STAG1: variants seen among roughly 807,000 people sequenced by gnomAD.
STAG1 encodes the protein STAG1 cohesin complex component, also known as cohesin subunit SA-1.
In STAG1, 26 loss-of-function variants were observed where a neutral mutation model predicts 170.9. That is an observed-to-expected ratio of 0.15 (90% confidence interval 0.11 to 0.21). The LOEUF (loss-of-function observed/expected upper bound fraction) is 0.21. STAG1 is among the 10% of genes least tolerant of loss of function. STAG1 has a pLI of 1.00. For missense variants in STAG1, 964 were observed against 1,509.5 expected, an observed-to-expected ratio of 0.64 and a Z score of 5.99; for synonymous variants, 514 against 497.7, an observed-to-expected ratio of 1.03 and a Z score of -0.44.
At chr3:136,741,089 T>C (rs916739361) in intron 1 of STAG1, among the ~76,000 whole-genome samples, 1 of 152,208 alleles carries the variant, frequency 6.6e-6, no homozygotes, top group Non-Finnish European at 1.5e-5. Context: ...GATAGTTATA[T>C]AGTGAAGGGT....
chr3:136,463,802 C>CAT (rs1349443760), intron 13 of STAG1, among the ~76,000 whole-genome samples: 1 of 129,590 alleles, frequency 7.7e-6, no homozygotes, highest in African/African-American at 2.7e-5. Flanking sequence ...TATACATATA[C>CAT]ATACATATAT....
chr3:136,505,784 A>G (rs1933729371), intron 7 of STAG1, among the ~76,000 whole-genome samples: 1 of 152,186 alleles, frequency 6.6e-6, no homozygotes. Context: ...AGGGGGTGCT[A>G]TTTTAGATGG....
chr3:136,582,619 C>T lies in STAG1; in HGVS notation c.298-13758G>A, dbSNP rs376193801. ...TTCGAGACCAGCCTGGCCAATGTGGCGAAACGCCATCTCTACTAAAACTAC... is the reference window on the plus strand; with the variant it reads ...TTCGAGACCAGCCTGGCCAATGTGGTGAAACGCCATCTCTACTAAAACTAC... On this transcript the variant is annotated intron_variant, in intron 4 of 33. Coordinates refer to ENST00000383202, the MANE Select transcript of STAG1 (RefSeq NM_005862.3). Among the ~76,000 whole-genome samples, 308 of 152,094 alleles carry T rather than the reference C, an allele frequency of 2.0e-3. 1 individual carries two copies. The highest frequency in any genetic ancestry group is 6.5e-3 in the African/African-American group (271 of 41,476).
At chr3:136,460,085 G>GT (rs1265835701) in intron 13 of STAG1, among the ~76,000 whole-genome samples, 1 of 152,016 alleles carries the variant, frequency 6.6e-6, no homozygotes, top group Non-Finnish European at 1.5e-5. Context: ...ACCACAATTG[G>GT]TTTTTTAAAA....
intron 1 of STAG1, among the ~76,000 whole-genome samples, chr3:136,716,469 GAAAAAAAAAGAA>G (rs773063143): frequency 6.7e-6 from 1 of 149,942 alleles, no homozygotes; most frequent in Non-Finnish European, 1.5e-5. Flanking sequence ...TCTCAAAAAA[GAAAAAAAAAGAA>G]AAAAAGAACT....
chr3:136,618,318 G>A (rs1172803721), intron 3 of STAG1, among the ~76,000 whole-genome samples: 3 of 152,202 alleles, frequency 2.0e-5, no homozygotes, highest in Admixed American at 2.0e-4. Flanking sequence ...CACAGCAGCA[G>A]GCGCCACATG....
intron 1 of STAG1, among the ~76,000 whole-genome samples, chr3:136,722,126 G>A (rs924699886): frequency 2.0e-5 from 3 of 151,524 alleles, no homozygotes; most frequent in Non-Finnish European, 2.9e-5. Flanking sequence ...AGGAGGCTGA[G>A]ATGGGAGGAT....
intron 7 of STAG1, among the ~76,000 whole-genome samples, chr3:136,511,262 G>A (rs1478970915): frequency 6.6e-6 from 1 of 152,162 alleles, no homozygotes; most frequent in African/African-American, 2.4e-5. Context: ...CCCAGTCTAG[G>A]AGAATTCTTT....
intron 9 of STAG1, among the ~76,000 whole-genome samples, chr3:136,487,061 T>C (rs1233956686): frequency 1.4e-5 from 2 of 145,674 alleles, no homozygotes; most frequent in Non-Finnish European, 3.0e-5. Context: ...TGCAGGTTTG[T>C]TATACAGGTA....
intron 6 of STAG1, among the ~76,000 whole-genome samples, chr3:136,527,892 G>C (rs543724464): frequency 6.6e-6 from 1 of 152,206 alleles, no homozygotes; most frequent in African/African-American, 2.4e-5. Flanking sequence ...GGATGCTGCA[G>C]AACAGTGAAT....
chr3:136,502,772 C>T lies in STAG1; in HGVS notation c.684G>A (p.Lys228=). Residue 228 remains lysine (K), a synonymous_variant, in exon 8 of 34, where the codon AAG becomes AAA. Transcript: ENST00000383202. ...FRHTSTLAAM[K]LMTALVNVAL... ...CAACATTCACCAGAGCAGTCATGAG[C>T]TTCATGGCTATGAAATGAAGAAATA... 3 of 1,590,582 alleles carry T rather than the reference C, an allele frequency of 1.9e-6. No homozygotes were observed. The highest frequency in any genetic ancestry group is 2.6e-6 in the Non-Finnish European group (3 of 1,171,306).
At chr3:136,404,863 A>ATGTGTG (rs34596713) in intron 21 of STAG1, among the ~76,000 whole-genome samples, 130 of 149,010 alleles carry the variant, frequency 8.7e-4, no homozygotes, top group African/African-American at 1.8e-3. Flanking sequence ...TTATGCATAT[A>ATGTGTG]TGTGTGTGTG....
In STAG1 at chr3:136,569,257, AAAT is replaced by A. The variant is rs368812080; in HGVS notation, c.298-399_298-397del. Among the ~76,000 whole-genome samples the A allele has an allele frequency of 1.2e-3, 178 of 152,238 alleles. 1 individual carries two copies. Among genetic ancestry groups the A allele is most frequent in the African/African-American group, 3.9e-3 (164 of 41,580 alleles). ...CACCAGTAGTGCATAAAAAGAATGCAAATAATAAGAGGCATTTTTTCAAGAGTA... is the reference window on the plus strand; with the variant it reads ...CACCAGTAGTGCATAAAAAGAATGCAAATAAGAGGCATTTTTTCAAGAGTA... On this transcript the variant is annotated intron_variant, in intron 4 of 33. Transcript: ENST00000383202.
intron 13 of STAG1, among the ~76,000 whole-genome samples, chr3:136,464,138 T>C (rs1007273701): frequency 7.9e-5 from 12 of 151,680 alleles, no homozygotes; most frequent in Non-Finnish European, 1.3e-4. Context: ...ATAATCCTGA[T>C]CATGGCCAGG....
At position 136,575,657 on chromosome 3, in the gene STAG1, G is replaced by C. The variant is rs149974272; in HGVS notation, c.298-6796C>G. Among the ~76,000 whole-genome samples, 9 of 152,314 alleles carry C rather than the reference G, an allele frequency of 5.9e-5. No individual in the cohort carries two copies. The South Asian group carries it at 1.5e-3, about 25-fold the overall frequency. On this transcript the variant is annotated intron_variant, in intron 4 of 33. Coordinates refer to ENST00000383202, the MANE Select transcript of STAG1 (RefSeq NM_005862.3). Reference sequence around the variant, plus strand: ...ATAGCTTTAGAACATCTGAATCACAGATTATAGACACACAATCATTCTGGG... The same window carrying C: ...ATAGCTTTAGAACATCTGAATCACACATTATAGACACACAATCATTCTGGG...
intron 20 of STAG1, among the ~76,000 whole-genome samples, chr3:136,420,610 C>G (rs1375710494): frequency 6.6e-6 from 1 of 152,194 alleles, no homozygotes; most frequent in Non-Finnish European, 1.5e-5. Context: ...GAGATCAGAT[C>G]TCACTATACT....
At position 136,373,645 on chromosome 3, in the gene STAG1, G is replaced by A. The variant is rs185543918; in HGVS notation, c.2370+4015C>T. ...CAGGAGCAGGTTGTTCGGTTTCCAT[G>A]CAGTTGAGCGGTTTTGAGTGAGTTT... is the stretch of plus-strand genomic sequence containing the variant. On this transcript the variant is annotated intron_variant, in intron 23 of 33. Transcript: ENST00000383202. Among the ~76,000 whole-genome samples the A allele has an allele frequency of 7.1e-3, 1,086 of 152,278 alleles. 6 individuals carry two copies. The highest frequency in any genetic ancestry group is 0.011 in the Non-Finnish European group (757 of 68,008).
intron 1 of STAG1, among the ~76,000 whole-genome samples, chr3:136,676,962 C>T (rs1942145278): frequency 6.6e-6 from 1 of 152,122 alleles, no homozygotes; most frequent in Non-Finnish European, 1.5e-5. Flanking sequence ...TGCCTTTCAC[C>T]TCCACATGCT....
chr3:136,567,488 T>C (rs113304422), intron 5 of STAG1, among the ~76,000 whole-genome samples: 7 of 152,354 alleles, frequency 4.6e-5, no homozygotes, highest in African/African-American at 1.4e-4. Context: ...TACTCATCTT[T>C]AATCTCACAT....
Sources: gnomAD v4.1 joint callset for allele counts (sites outside exome capture counted in the v4.1 genomes callset) on GRCh38, gnomAD v4.1.1 for gene constraint, MANE v1.5 for transcripts, NCBI Gene and HGNC (gene_info 2026-07-23, HGNC 2026-07-21) for gene names.